CTSL: variants seen among roughly 807,000 people sequenced by gnomAD.
CTSL encodes procathepsin L.
Under a neutral mutation model 34.7 loss-of-function variants are expected in CTSL, and 23 were observed. That is an observed-to-expected ratio of 0.66 (90% confidence interval 0.48 to 0.94). CTSL has a LOEUF of 0.94. Among genes scored for constraint, CTSL ranks in the 40% least tolerant of loss-of-function variants. The pLI is 0.00. For synonymous variants in CTSL, 129 were observed against 136.7 expected (o/e 0.94, Z 0.39); for missense variants, 361 against 406.3 (o/e 0.89, Z 0.96).
rs1826240679 is a variant in CTSL at position 87,731,064 on chromosome 9, A to G, written c.959A>G (p.Asn320Ser). Residue 320 changes from asparagine to serine, a missense_variant, in exon 8 of 8, where the codon AAC becomes AGC. Coordinates refer to ENST00000343150, the MANE Select transcript of CTSL (RefSeq NM_001912.5). ...GTAAAGATGGCCAAAGACCGGAGAAACCATTGTGGAATTGCCTCAGCAGCC... is the reference window on the plus strand; with the variant it reads ...GTAAAGATGGCCAAAGACCGGAGAAGCCATTGTGGAATTGCCTCAGCAGCC... ...GYVKMAKDRR[N>S]HCGIASAASY... is the part of the protein sequence containing the mutation. 1 of 1,614,034 alleles carries G rather than the reference A, an allele frequency of 6.2e-7. No homozygotes were observed. Among genetic ancestry groups the G allele is most frequent in the Non-Finnish European group, 8.5e-7 (1 of 1,179,960 alleles).
chr9:87,729,457 C>A, intron 5 of CTSL, 116 bp from the exon 6 acceptor site: 1 of 839,714 alleles, frequency 1.2e-6, no homozygotes, highest in Non-Finnish European at 1.8e-6. Context: ...TGATTTATAA[C>A]AGTGGTGACT....
Position 87,728,396 on chromosome 9 carries a change from G to T in CTSL, c.396G>T (p.Gln132His). ...GCTACGTGACTCCTGTGAAGAATCA[G>T]GTGAGACAGTGTCAGGTTCAGACCT... ...EKGYVTPVKN[Q>H]GQCGSCWAFS... Residue 132 changes from glutamine to histidine, a missense_variant and splice_region_variant, in exon 4 of 8, where the codon CAG (glutamine) becomes CAT (histidine). Transcript: ENST00000343150. 1 of 1,612,840 alleles carries T rather than the reference G, an allele frequency of 6.2e-7. No individual in the cohort carries two copies. Among genetic ancestry groups the T allele is most frequent in the East Asian group, 2.2e-5 (1 of 44,860 alleles).
rs769051067 is a variant in CTSL, at chr9:87,728,152, A to G, written c.249+3A>G. 31 of 1,614,074 alleles carry G rather than the reference A, an allele frequency of 1.9e-5. No homozygotes were observed. Among genetic ancestry groups the G allele is most frequent in the Admixed American group, 3.3e-5 (2 of 60,010 alleles). ...CCATGAACGCCTTTGGAGACATGGT[A>G]AGTGTGCTGTGGACTGCCGAGCTCT... On this transcript the variant is annotated splice_donor_region_variant and intron_variant, in intron 3 of 7. Transcript: ENST00000343150.
In CTSL at chr9:87,726,152, C is replaced by T. The variant is rs1048950077; in HGVS notation, c.-257C>T. The T allele has an allele frequency of 2.0e-5, 3 of 152,380 alleles. No homozygotes were observed. The highest frequency in any genetic ancestry group is 7.2e-5 in the African/African-American group (3 of 41,460). The allele number at this position is 152,380 out of a possible 1,614,324, so 9.4% of individuals were successfully genotyped here. ...GACCTCCGCAACCTTGAGCGGCATC[C>T]GTGGAGTGCGCCTGCGCAGCTACGA... On this transcript the variant is annotated 5_prime_UTR_variant, in exon 1 of 8. Coordinates refer to ENST00000343150, the MANE Select transcript of CTSL (RefSeq NM_001912.5).
intron 1 of CTSL, among the ~76,000 whole-genome samples, chr9:87,726,870 C>G (rs947852649): frequency 6.6e-6 from 1 of 151,968 alleles, no homozygotes. Flanking sequence ...TGGTGAAACC[C>G]CGTCTCTACT....
chr9:87,730,485 C>T lies in CTSL; in HGVS notation c.889C>T (p.Leu297=), dbSNP rs1826215640. The T allele has an allele frequency of 6.2e-7, 1 of 1,606,052 alleles. No homozygotes were observed. The highest frequency in any genetic ancestry group is 8.5e-7 in the Non-Finnish European group (1 of 1,175,462). The change falls in exon 7 of 8, where the codon CTG becomes TTG. Residue 297 remains leucine (L), a synonymous_variant. Transcript: ENST00000343150. ...STESDNNKYW[L]VKNSWGEEWG... Reference sequence around the variant, plus strand: ...AGAATCAGATAACAATAAATATTGGCTGGTGAAGAACAGGTATAAATTGCC... The same window carrying T: ...AGAATCAGATAACAATAAATATTGGTTGGTGAAGAACAGGTATAAATTGCC...
Position 87,727,585 on chromosome 9 carries a change from C to T in CTSL, c.-10-9C>T, listed in dbSNP as rs567370241. 6 of 1,612,222 alleles carry T rather than the reference C, an allele frequency of 3.7e-6. No individual in the cohort carries two copies. Among genetic ancestry groups the T allele is most frequent in the East Asian group, 2.2e-5 (1 of 44,854 alleles). ...TCTAATCAGATCCTCATTTTTGTTC[C>T]CTTCCTAGGTTTTAAAACATGAATC... On this transcript the variant is annotated splice_polypyrimidine_tract_variant and intron_variant, in intron 1 of 7. Coordinates refer to ENST00000343150, the MANE Select transcript of CTSL (RefSeq NM_001912.5).
At chr9:87,729,359 C>G (rs1382896609) in intron 5 of CTSL, among the ~76,000 whole-genome samples, 1 of 152,148 alleles carries the variant, frequency 6.6e-6, no homozygotes, top group Non-Finnish European at 1.5e-5. Context: ...TGAAAAATGT[C>G]TTATGGAAGT....
chr9:87,728,649 A>C lies in CTSL; in HGVS notation c.461A>C (p.Lys154Thr). The change falls in exon 5 of 8, where the codon AAA (lysine) becomes ACA (threonine). Residue 154 changes from lysine to threonine, a missense_variant. Coordinates refer to ENST00000343150, the MANE Select transcript of CTSL (RefSeq NM_001912.5). ...GCTCTTGAAGGACAGATGTTCCGGA[A>C]AACTGGGAGGCTTATCTCACTGAGT... ...TGALEGQMFR[K>T]TGRLISLSEQ... 1 of 1,614,118 alleles carries C rather than the reference A, an allele frequency of 6.2e-7. No homozygotes were observed. The highest frequency in any genetic ancestry group is 8.5e-7 in the Non-Finnish European group (1 of 1,180,036).
At chr9:87,729,047 G>T in intron 5 of CTSL, 1 of 1,153,448 alleles carries the variant, frequency 8.7e-7, no homozygotes, top group Non-Finnish European at 1.2e-6. Flanking sequence ...AAATTAGCCG[G>T]CTGTGGTGGT....
rs779402025 is a variant in CTSL at position 87,728,231 on chromosome 9, T to C, written c.250-19T>C. ...GGTAATCTCTTGCTTTTCAACATTT[T>C]ATTTCCTTTTCCTTGAAGACCAGTG... On this transcript the variant is annotated intron_variant, in intron 3 of 7. Coordinates refer to ENST00000343150, the MANE Select transcript of CTSL (RefSeq NM_001912.5). The C allele has an allele frequency of 6.2e-7, 1 of 1,614,138 alleles. No individual in the cohort carries two copies. Among genetic ancestry groups the C allele is most frequent in the Admixed American group, 1.7e-5 (1 of 60,006 alleles).
intron 7 of CTSL, 51 bp from the exon 8 acceptor site, chr9:87,730,957 C>G: frequency 6.7e-7 from 1 of 1,490,314 alleles, no homozygotes; most frequent in Non-Finnish European, 9.3e-7. Flanking sequence ...CTGTTAATAA[C>G]CCTTTGGGCT....
At chr9:87,730,897 T>C in intron 7 of CTSL, 111 bp from the exon 8 acceptor site, 1 of 798,802 alleles carries the variant, frequency 1.3e-6, no homozygotes, top group East Asian at 2.7e-5. Context: ...CTGTCCTGAT[T>C]CTTTCTGTTA....
intron 1 of CTSL, 105 bp from the exon 2 acceptor site, chr9:87,727,489 T>C (rs1419270286): frequency 3.4e-6 from 4 of 1,167,636 alleles, no homozygotes; most frequent in Non-Finnish European, 4.9e-6. Context: ...GGGAGAATAA[T>C]TTAAATATTT....
In CTSL at chr9:87,729,642, C is replaced by T; in HGVS notation, c.691C>T (p.Gln231Ter). The T allele has an allele frequency of 6.2e-7, 1 of 1,614,104 alleles. No individual in the cohort carries two copies. The highest frequency in any genetic ancestry group is 2.2e-5 in the East Asian group (1 of 44,876). The change falls in exon 6 of 8, where the codon CAG becomes TAG. Residue 231 changes from glutamine to a stop codon, truncating the protein, a stop_gained. Coordinates refer to ENST00000343150, the MANE Select transcript of CTSL (RefSeq NM_001912.5). LOFTEE classifies it high-confidence loss of function. The stretch of plus-strand genomic sequence containing the variant: ...CACCGGCTTTGTGGACATCCCTAAG[C>T]AGGAGAAGGCCCTGATGAAGGCAGT... ...NDTGFVDIPKQEKALMKAVAT... is the reference protein window; with the variant it reads ...NDTGFVDIPK
rs752047914 is a variant in CTSL at position 87,729,589 on chromosome 9, A to G, written c.638A>G (p.Tyr213Cys). The G allele has an allele frequency of 1.2e-6, 2 of 1,614,042 alleles. No individual in the cohort carries two copies. Among genetic ancestry groups the G allele is most frequent in the Non-Finnish European group, 8.5e-7 (1 of 1,179,994 alleles). The part of the protein sequence containing the change: ...PYEATEESCK[Y>C]NPKYSVANDT... ...CTTTGAAAGGAAGAATCCTGTAAGT[A>G]CAATCCCAAGTATTCTGTTGCTAAT... Residue 213 changes from tyrosine to cysteine, a missense_variant, in exon 6 of 8, where the codon TAC becomes TGC. Tyr to Cys is a radical substitution (Grantham distance 194). Coordinates refer to ENST00000343150, the MANE Select transcript of CTSL (RefSeq NM_001912.5).
At position 87,728,324 on chromosome 9, in the gene CTSL, A is replaced by C; in HGVS notation, c.324A>C (p.Glu108Asp). The C allele has an allele frequency of 6.2e-7, 1 of 1,613,972 alleles. No homozygotes were observed. Among genetic ancestry groups the C allele is most frequent in the Non-Finnish European group, 8.5e-7 (1 of 1,180,000 alleles). ...RKPRKGKVFQ[E>D]PLFYEAPRSV... ...CCAGGAAGGGGAAAGTGTTCCAGGAACCTCTGTTTTATGAGGCCCCCAGAT... is the reference window on the plus strand; with the variant it reads ...CCAGGAAGGGGAAAGTGTTCCAGGACCCTCTGTTTTATGAGGCCCCCAGAT... Residue 108 changes from glutamate to aspartate, a missense_variant, in exon 4 of 8, where the codon GAA becomes GAC. By Grantham distance (45) the Glu-to-Asp change is conservative. Coordinates refer to ENST00000343150, the MANE Select transcript of CTSL (RefSeq NM_001912.5).
intron 1 of CTSL, among the ~76,000 whole-genome samples, 197 bp downstream of exon 1, chr9:87,726,595 C>T (rs552133154): frequency 2.6e-4 from 39 of 152,342 alleles, no homozygotes; most frequent in South Asian, 1.2e-3. Flanking sequence ...GGCTGCAGGG[C>T]GCTGGCTTCC....
intron 1 of CTSL, among the ~76,000 whole-genome samples, chr9:87,727,041 A>AAAATAAATAAATAAAT (rs71507737): frequency 3.2e-4 from 47 of 144,884 alleles, no homozygotes; most frequent in East Asian, 6.1e-4. Context: ...TCCATCTCAA[A>AAAATAAATAAATAAAT]AAATAAATAA....
Sources: allele counts gnomAD v4.1 joint callset (sites outside exome capture counted in the v4.1 genomes callset), GRCh38; gene constraint gnomAD v4.1.1; transcripts MANE v1.5; gene names NCBI Gene and HGNC (gene_info 2026-07-23, HGNC 2026-07-21).